Variants in FGD6 observed in about 807,000 individuals in gnomAD.
FGD6 encodes the protein FYVE, RhoGEF and PH domain containing 6, also known as FYVE, RhoGEF and PH domain-containing protein 6.
A neutral mutation model predicts 149.4 loss-of-function variants in FGD6; 90 were observed. The ratio of observed to expected loss-of-function variants is 0.60; its 90% confidence interval spans 0.51 to 0.72. The LOEUF (loss-of-function observed/expected upper bound fraction) is 0.72, where lower values mean the gene tolerates loss of function less well. FGD6 is among the 30% of genes least tolerant of loss of function. The pLI, the probability that FGD6 is intolerant of heterozygous loss-of-function variation, is 0.00. For synonymous variants in FGD6, 527 were observed against 584.0 expected (o/e 0.90, Z 1.41); for missense variants, 1,437 against 1,684.8 (o/e 0.85, Z 2.57).
chr12:95,209,065 A>G lies in FGD6; in HGVS notation c.2219T>C (p.Val740Ala). The change falls in exon 2 of 21, where the codon GTT becomes GCT. Residue 740 changes from valine (V) to alanine (A), a missense_variant. By Grantham distance (64) the Val-to-Ala change is moderately conservative. Transcript: ENST00000343958. Reference sequence around the variant, plus strand: ...ATACTCCGGTGCACAGAGGCTTGTAACAGACTTGTAAGGTGCCTGAGATGA... The same window carrying G: ...ATACTCCGGTGCACAGAGGCTTGTAGCAGACTTGTAAGGTGCCTGAGATGA... ...ESSSQAPYKS[V>A]TSLCAPEYEN... The G allele has an allele frequency of 1.1e-5, 17 of 1,614,112 alleles. No individual in the cohort carries two copies. Among genetic ancestry groups the G allele is most frequent in the Non-Finnish European group, 1.3e-5 (15 of 1,180,014 alleles).
intron 2 of FGD6, among the ~76,000 whole-genome samples, chr12:95,195,210 C>T (rs1004423385): frequency 2.6e-5 from 4 of 152,226 alleles, no homozygotes; most frequent in African/African-American, 9.6e-5. Context: ...TTAGCTACAA[C>T]GGACTAAAAT....
chr12:95,108,561 T>C lies in FGD6; in HGVS notation c.3134A>G (p.Asp1045Gly). 6.2e-7 allele frequency: 1 copy of C among 1,613,974 alleles called. No individual in the cohort carries two copies. The highest frequency in any genetic ancestry group is 8.5e-7 in the Non-Finnish European group (1 of 1,179,884). The change falls in exon 10 of 21, where the codon GAT becomes GGT. Residue 1045 changes from aspartate (D) to glycine (G), a missense_variant and splice_region_variant. Asp to Gly is a moderately conservative substitution (Grantham distance 94). Around this residue, in one of 2 missense-constraint regions of FGD6, gnomAD observed 382 missense variants for 538.7 expected, o/e 0.71. Transcript: ENST00000343958. Reference sequence around the variant, plus strand: ...TACCTCTATAACAACAGCAAGGGCATCTGAAATAGGCAGGAACAAAACGTG... The same window carrying C: ...TACCTCTATAACAACAGCAAGGGCACCTGAAATAGGCAGGAACAAAACGTG... The part of the protein sequence containing the change: ...EDAGDYRDTQ[D>G]ALAVVIEVAN...
chr12:95,156,049 G>A (rs531720926), intron 3 of FGD6, among the ~76,000 whole-genome samples: 214 of 152,130 alleles, frequency 1.4e-3, no homozygotes, highest in Non-Finnish European at 2.6e-3. Context: ...ACCTTCGTAA[G>A]CTGAGGGGGA....
At position 95,136,426 on chromosome 12, in the gene FGD6, G is replaced by A. The variant is rs551089755; in HGVS notation, c.2994+1096C>T. On this transcript the variant is annotated intron_variant, in intron 7 of 20. Coordinates refer to ENST00000343958, the MANE Select transcript of FGD6 (RefSeq NM_018351.4). ...TTTTCACTTCTAGTTTTGTGTGACT[G>A]GAATTCACCGATCTTTTAAGCTTCA... Among the ~76,000 whole-genome samples the A allele has an allele frequency of 2.0e-3, 308 of 152,208 alleles. 1 individual carries two copies. The highest frequency in any genetic ancestry group is 6.8e-3 in the African/African-American group (284 of 41,536).
At chr12:95,140,571 C>T (rs558338885) in intron 6 of FGD6, among the ~76,000 whole-genome samples, 4 of 151,894 alleles carry the variant, frequency 2.6e-5, no homozygotes, top group African/African-American at 7.2e-5. Context: ...GAGCTGCGAT[C>T]GTGCCATTGC....
chr12:95,126,483 C>T (rs1182826067), intron 8 of FGD6: 1 of 617,198 alleles, frequency 1.6e-6, no homozygotes, highest in Non-Finnish European at 2.7e-6. Context: ...AATCCCAGTA[C>T]CGTGGGAGGC....
chr12:95,156,686 T>A (rs1359408898), intron 3 of FGD6, among the ~76,000 whole-genome samples: 1 of 152,082 alleles, frequency 6.6e-6, no homozygotes, highest in Non-Finnish European at 1.5e-5. Flanking sequence ...CCTGTAGAAA[T>A]CACTAATAAA....
At chr12:95,169,201 C>T (rs1190720562) in intron 3 of FGD6, among the ~76,000 whole-genome samples, 4 of 151,872 alleles carry the variant, frequency 2.6e-5, no homozygotes, top group African/African-American at 7.3e-5. Flanking sequence ...TGAACAAAAT[C>T]TAGTATTTGA....
intron 19 of FGD6, among the ~76,000 whole-genome samples, chr12:95,085,242 A>T (rs1228045055): frequency 3.8e-5 from 5 of 130,552 alleles, no homozygotes; most frequent in Admixed American, 8.4e-5. Flanking sequence ...TTTGAGACAG[A>T]GTCTCTCTGT....
chr12:95,209,229 A>G lies in FGD6; in HGVS notation c.2055T>C (p.Ser685=), dbSNP rs2056709321. The G allele has an allele frequency of 6.2e-7, 1 of 1,613,874 alleles. No individual in the cohort carries two copies. The highest frequency in any genetic ancestry group is 1.3e-5 in the African/African-American group (1 of 74,922). ...CTGTGGAATATGCCTTGATGGGTTT[A>G]CTTCTCTTCTCCTCTCCTACCAACA... is the stretch of plus-strand genomic sequence containing the variant. ...QGLLVGEEKR[S]KPIKAYSTEN... Residue 685 remains serine, a synonymous_variant, in exon 2 of 21, where the codon AGT becomes AGC. Transcript: ENST00000343958.
intron 3 of FGD6, among the ~76,000 whole-genome samples, chr12:95,162,048 G>C (rs1880657298): frequency 6.8e-6 from 1 of 146,960 alleles, no homozygotes; most frequent in Non-Finnish European, 1.5e-5. Context: ...AGGATCACTT[G>C]AGGCCAGGAA....
intron 12 of FGD6, among the ~76,000 whole-genome samples, chr12:95,107,262 CA>C (rs1878659176): frequency 1.3e-5 from 2 of 152,120 alleles, no homozygotes; most frequent in Non-Finnish European, 2.9e-5. Flanking sequence ...AGTTCTGTAA[CA>C]GATTTAATGT....
chr12:95,098,935 T>C (rs969101113), intron 14 of FGD6, among the ~76,000 whole-genome samples: 1 of 149,300 alleles, frequency 6.7e-6, no homozygotes, highest in Non-Finnish European at 1.5e-5. Context: ...AGTGGTGCGA[T>C]CTCGGCTCAC....
intron 14 of FGD6, among the ~76,000 whole-genome samples, chr12:95,104,082 C>T (rs1002180137): frequency 6.6e-5 from 10 of 152,302 alleles, no homozygotes; most frequent in African/African-American, 2.2e-4. Context: ...CAGCAAAGCA[C>T]TTTCACCATT....
chr12:95,177,995 G>GCCTCAAATGAACCTCCTGC (rs1419669830), intron 2 of FGD6, among the ~76,000 whole-genome samples: 1 of 151,238 alleles, frequency 6.6e-6, no homozygotes, highest in African/African-American at 2.4e-5. Flanking sequence ...TGAACTCCTG[G>GCCTCAAATGAACCTCCTGC]CCTCAAATGA....
At chr12:95,121,483 A>G (rs12371466) in intron 8 of FGD6, among the ~76,000 whole-genome samples, 9,954 of 32,700 alleles carry the variant, frequency 0.3, 472 homozygotes, top group East Asian at 0.53. Context: ...ATATATATGT[A>G]TATATATATA....
intron 9 of FGD6, 57 bp from the exon 10 acceptor site, chr12:95,108,618 T>C: frequency 6.3e-7 from 1 of 1,596,482 alleles, no homozygotes; most frequent in Non-Finnish European, 8.6e-7. Flanking sequence ...ACAAATAGTT[T>C]GCAACATTAA....
intron 2 of FGD6, among the ~76,000 whole-genome samples, chr12:95,180,372 ATTT>A (rs5800188): frequency 1.4e-3 from 161 of 112,290 alleles, no homozygotes; most frequent in Non-Finnish European, 1.8e-3. Context: ...TAAAAGACAG[ATTT>A]TTTTTTTTTT....
chr12:95,117,239 G>GA (rs367942675), intron 8 of FGD6, among the ~76,000 whole-genome samples: 2 of 149,924 alleles, frequency 1.3e-5, no homozygotes, highest in Non-Finnish European at 1.5e-5. Context: ...TTTATCAAAG[G>GA]AAAAAAAAAG....
Sources: gnomAD v4.1 joint callset for allele counts (sites outside exome capture counted in the v4.1 genomes callset) on GRCh38, gnomAD v4.1.1 for gene constraint, gnomAD v4.1.1 regional missense constraint, MANE v1.5 for transcripts, NCBI Gene and HGNC (gene_info 2026-07-23, HGNC 2026-07-21) for gene names.